The following ADAMTS3 variants were observed in gnomAD, a reference collection of about 807,000 sequenced individuals.
ADAMTS3 encodes ADAM metallopeptidase with thrombospondin type 1 motif 3.
A neutral mutation model predicts 129.0 loss-of-function variants in ADAMTS3; 73 were observed. That is an observed-to-expected ratio of 0.57 (90% CI 0.47 to 0.69). The LOEUF is 0.69. ADAMTS3 is among the 30% of genes least tolerant of loss of function. The probability of loss-of-function intolerance (pLI) is 0.00; values close to 1 mark genes in which losing one functional copy is unlikely to be tolerated. For synonymous variants in ADAMTS3, 477 were observed against 510.8 expected (o/e 0.93, Z 0.89); for missense variants, 1,457 against 1,514.5 (o/e 0.96, Z 0.63).
chr4:72,390,577 T>C (rs1341315930), intron 4 of ADAMTS3, among the ~76,000 whole-genome samples: 1 of 152,172 alleles, frequency 6.6e-6, no homozygotes, highest in Non-Finnish European at 1.5e-5. Flanking sequence ...AACATAATAT[T>C]CAACTAAAAA....
chr4:72,519,423 TGC>T (rs1377283924), intron 3 of ADAMTS3, among the ~76,000 whole-genome samples: 1 of 152,246 alleles, frequency 6.6e-6, no homozygotes, highest in East Asian at 1.9e-4. Flanking sequence ...GATAATATCC[TGC>T]AGAGTGTTTT....
chr4:72,293,567 C>CT (rs1479800381), intron 19 of ADAMTS3, among the ~76,000 whole-genome samples: 1 of 152,076 alleles, frequency 6.6e-6, no homozygotes, highest in Non-Finnish European at 1.5e-5. Context: ...TCTATGGAAT[C>CT]TTTTTTATAA....
chr4:72,473,815 C>G (rs1336814059), intron 3 of ADAMTS3, among the ~76,000 whole-genome samples: 1 of 152,198 alleles, frequency 6.6e-6, no homozygotes, highest in Non-Finnish European at 1.5e-5. Context: ...ACTCTTTCCC[C>G]TCCCCACTGG....
intron 3 of ADAMTS3, among the ~76,000 whole-genome samples, chr4:72,498,872 C>A (rs1230800678): frequency 6.6e-6 from 1 of 152,056 alleles, no homozygotes. Flanking sequence ...TCCAATACTT[C>A]AAGTCCATGC....
intron 20 of ADAMTS3, 55 bp from the exon 21 acceptor site, chr4:72,288,923 TACACACACACACACACACACACACAC>T (rs33967517): frequency 6.6e-6 from 3 of 451,176 alleles, no homozygotes; most frequent in Non-Finnish European, 1.2e-5. Context: ...ACCATGCACA[TACACACACACACACACACACACACAC>T]ACACACACAC....
chr4:72,562,646 G>A (rs1430723885), intron 2 of ADAMTS3, among the ~76,000 whole-genome samples: 1 of 152,164 alleles, frequency 6.6e-6, no homozygotes, highest in Non-Finnish European at 1.5e-5. Flanking sequence ...AATTATAACA[G>A]CAGTTTGGGA....
chr4:72,380,060 G>A (rs765878336), intron 4 of ADAMTS3, among the ~76,000 whole-genome samples: 9 of 152,054 alleles, frequency 5.9e-5, no homozygotes, highest in East Asian at 3.9e-4. Context: ...AAATGCTTCC[G>A]GGGTCTACAT....
chr4:72,548,080 G>A (rs1436937767), intron 3 of ADAMTS3, among the ~76,000 whole-genome samples: 3 of 152,066 alleles, frequency 2.0e-5, no homozygotes, highest in East Asian at 1.9e-4. Flanking sequence ...CTTTCTTTAC[G>A]AGGATATCCA....
At chr4:72,546,310 G>T (rs974339585) in intron 3 of ADAMTS3, among the ~76,000 whole-genome samples, 13 of 152,204 alleles carry the variant, frequency 8.5e-5, no homozygotes, top group Middle Eastern at 3.4e-3. Context: ...ATGCCTCAGG[G>T]AGCTCAACAG....
chr4:72,441,784 C>T (rs6813850), intron 3 of ADAMTS3: 37,954 of 149,824 alleles, frequency 0.25, 5,258 homozygotes, highest in East Asian at 0.45. Flanking sequence ...ATATTCACAG[C>T]CTTTCCCCAC....
At chr4:72,429,166 T>C (rs1234577175) in intron 3 of ADAMTS3, among the ~76,000 whole-genome samples, 2 of 152,090 alleles carry the variant, frequency 1.3e-5, no homozygotes. Context: ...CAAAATGAAC[T>C]TTTGGATGTT....
intron 3 of ADAMTS3, among the ~76,000 whole-genome samples, chr4:72,483,412 A>G (rs186456820): frequency 6.6e-6 from 1 of 152,348 alleles, no homozygotes; most frequent in Non-Finnish European, 1.5e-5. Context: ...TGGTTAAAGC[A>G]GTATCAATAA....
At chr4:72,518,139 G>C (rs1044749464) in intron 3 of ADAMTS3, among the ~76,000 whole-genome samples, 5 of 152,236 alleles carry the variant, frequency 3.3e-5, no homozygotes, top group Admixed American at 1.3e-4. Context: ...CCATGTAGTT[G>C]AGCGGTTTTG....
chr4:72,529,342 C>T (rs537588562), intron 3 of ADAMTS3, among the ~76,000 whole-genome samples: 1 of 151,966 alleles, frequency 6.6e-6, no homozygotes, highest in African/African-American at 2.4e-5. Flanking sequence ...AACTTTCAGG[C>T]CCCTCTACAG....
In ADAMTS3 at chr4:72,320,133, G is replaced by A. The variant is rs371746659; in HGVS notation, c.1103-170C>T. Among the ~76,000 whole-genome samples, 38 of 152,258 alleles carry A rather than the reference G, an allele frequency of 2.5e-4. 1 individual carries two copies. Among genetic ancestry groups the A allele is most frequent in the East Asian group, 2.1e-3 (11 of 5,164 alleles). ...TTCTCTTGGGAAAGCCACAGGTAATGTTCTCTAAAAAGGTTCACTGGGTCT... is the reference window on the plus strand; with the variant it reads ...TTCTCTTGGGAAAGCCACAGGTAATATTCTCTAAAAAGGTTCACTGGGTCT... On this transcript the variant is annotated intron_variant, in intron 7 of 21. Transcript: ENST00000286657.
At chr4:72,488,247 T>C (rs1719640765) in intron 3 of ADAMTS3, among the ~76,000 whole-genome samples, 1 of 151,994 alleles carries the variant, frequency 6.6e-6, no homozygotes, top group Non-Finnish European at 1.5e-5. Context: ...TCCTGGTTGG[T>C]AATTAATGTC....
chr4:72,480,647 T>A (rs1171903127), intron 3 of ADAMTS3, among the ~76,000 whole-genome samples: 3 of 151,808 alleles, frequency 2.0e-5, no homozygotes, highest in Admixed American at 2.0e-4. Flanking sequence ...TATACATATG[T>A]AACTAACCTG....
At chr4:72,498,095 A>G (rs1238519175) in intron 3 of ADAMTS3, among the ~76,000 whole-genome samples, 1 of 152,094 alleles carries the variant, frequency 6.6e-6, no homozygotes, top group Non-Finnish European at 1.5e-5. Context: ...AAAGACCAGT[A>G]TATAACTAAG....
chr4:72,281,749 T>C lies in ADAMTS3; in HGVS notation c.*1387A>G, dbSNP rs542253182. The C allele has an allele frequency of 5.3e-5, 8 of 152,162 alleles. No individual in the cohort carries two copies. The East Asian group carries it at 1.3e-3, about 26-fold the overall frequency. The allele number at this position is 152,162 out of a possible 1,614,324, so 9.4% of individuals were successfully genotyped here. A position where few individuals can be genotyped will look rare whatever the true frequency, so the allele number is the denominator to read the frequency against. On this transcript the variant is annotated 3_prime_UTR_variant, in exon 22 of 22. Transcript: ENST00000286657. The stretch of plus-strand genomic sequence containing the variant: ...CAAAGCATGCATCTCTAATTATGTC[T>C]CTCTAGTTTACCAAAATATGTAATT...
Sources: allele counts gnomAD v4.1 joint callset (sites outside exome capture counted in the v4.1 genomes callset), GRCh38; gene constraint gnomAD v4.1.1; transcripts MANE v1.5; gene names NCBI Gene and HGNC (gene_info 2026-07-23, HGNC 2026-07-21).